The following TRPM5 variants were observed in gnomAD, a reference collection of about 807,000 sequenced individuals.
TRPM5 encodes the protein MLSN1 and TRP-related.
A neutral mutation model predicts 124.9 loss-of-function variants in TRPM5; 121 were observed. That is an observed-to-expected ratio of 0.97 (90% CI 0.84 to 1.13). The LOEUF is 1.13. Ranked by LOEUF, TRPM5 falls within the 50% of genes most tolerant of loss-of-function variation. TRPM5 has a pLI of 0.00. For synonymous variants in TRPM5, 781 were observed against 700.5 expected (o/e 1.11, Z -1.81); for missense variants, 1,643 against 1,589.1 (o/e 1.03, Z -0.58).
At chr11:2,405,969 A>T (rs1373783634) in intron 22 of TRPM5, 50 bp downstream of exon 27, 1 of 1,543,176 alleles carries the variant, frequency 6.5e-7, no homozygotes, top group Non-Finnish European at 8.9e-7. Context: ...CAGTAGCCCC[A>T]CGCAGCCACC....
At chr11:2,412,361 C>T in intron 15 of TRPM5, 108 bp from the exon 21 acceptor site, 1 of 561,494 alleles carries the variant, frequency 1.8e-6, no homozygotes. Context: ...CATCTATGAC[C>T]AGGGCCGAGG....
chr11:2,426,906 G>C (rs563065764), upstream of TRPM5, among the ~76,000 whole-genome samples: 10 of 152,334 alleles, frequency 6.6e-5, no homozygotes, highest in South Asian at 6.2e-4. Context: ...GTGGTGGCAA[G>C]AGGACACAGT....
At position 2,413,092 on chromosome 11, in the gene TRPM5, C is replaced by T. The variant is rs779416636; in HGVS notation, c.2096+42G>A. The T allele has an allele frequency of 2.3e-5, 35 of 1,544,734 alleles. No individual in the cohort carries two copies. In the South Asian group the frequency reaches 4.0e-4, roughly 18 times the overall value. ...CCAGAGTCCAGCCTCCCAGCCACCA[C>T]CCGCCAGTCCCCTCCACCCTGCCTG... On this transcript the variant is annotated intron_variant, in intron 14 of 23. Coordinates refer to ENST00000155858, the Ensembl canonical transcript of TRPM5.
At chr11:2,441,474 ACCTGG>A in the TRPM5 span, among the ~76,000 whole-genome samples, 1 of 147,886 alleles carries the variant, frequency 6.8e-6, no homozygotes, top group Non-Finnish European at 1.5e-5. The surrounding 1 kb of genome is among the most constrained non-coding windows in gnomAD (Gnocchi z 7.2). Flanking sequence ...TCACCTGCGC[ACCTGG>A]CCTTACTCCC....
intron 1 of TRPM5, 74 bp downstream of exon 6, chr11:2,422,846 C>T: frequency 7.4e-7 from 1 of 1,348,082 alleles, no homozygotes; most frequent in Non-Finnish European, 1.1e-6. Flanking sequence ...CACTCAGCTT[C>T]CAGGGAAGGA....
intron 23 of TRPM5, 120 bp from the exon 29 acceptor site, chr11:2,405,163 C>T (rs1237296328): frequency 5.1e-6 from 4 of 779,802 alleles, no homozygotes; most frequent in East Asian, 2.7e-5. Context: ...TGAGTCCCCA[C>T]AGGCCAGCCT....
At chr11:2,414,724 G>T in exon 11 of TRPM5, 3 of 1,540,022 alleles carry the variant, frequency 1.9e-6, no homozygotes, top group Non-Finnish European at 2.6e-6. Context: ...CCAAGGGCCA[G>T]CCGCTCGTAT....
At chr11:2,417,310 C>T (rs966247185) in intron 7 of TRPM5, among the ~76,000 whole-genome samples, 1 of 152,148 alleles carries the variant, frequency 6.6e-6, no homozygotes, top group African/African-American at 2.4e-5. Context: ...ACAAAATTAG[C>T]CGGGCATGGT....
intron 23 of TRPM5, among the ~76,000 whole-genome samples, chr11:2,405,254 G>C (rs1002780466): frequency 3.9e-5 from 6 of 152,224 alleles, no homozygotes; most frequent in Non-Finnish European, 5.9e-5. Context: ...TGAGGCCGAG[G>C]GGCCCGTTTG....
chr11:2,414,909 T>C (rs774924371), exon 10 of TRPM5: 14 of 1,604,880 alleles, frequency 8.7e-6, no homozygotes, highest in Admixed American at 8.4e-5. Flanking sequence ...GGGCTCACCA[T>C]GGCCCAGAAG....
intron 7 of TRPM5, among the ~76,000 whole-genome samples, chr11:2,417,151 A>G (rs1565012412): frequency 6.6e-6 from 1 of 152,168 alleles, no homozygotes. Flanking sequence ...CCTCACGAAT[A>G]TACTAAAAAC....
At chr11:2,422,563 C>G (rs1478482753) in intron 1 of TRPM5, among the ~76,000 whole-genome samples, 1 of 151,978 alleles carries the variant, frequency 6.6e-6, no homozygotes, top group African/African-American at 2.4e-5. Flanking sequence ...CAGGGCCAGT[C>G]CTCCCTTGAC....
chr11:2,412,012 C>T (rs1209480581), intron 16 of TRPM5, 123 bp downstream of exon 21: 5 of 959,544 alleles, frequency 5.2e-6, no homozygotes, highest in East Asian at 2.4e-5. Flanking sequence ...AGTGACCCAC[C>T]CACCTCAGCC....
chr11:2,417,098 C>T lies in TRPM5; in HGVS notation c.1009+629G>A, dbSNP rs563676721. ...CAAGGGGTATGGGCTCTTTCTGGGG[C>T]GATGAAGGCTTCTGGAATTAGATAA... On this transcript the variant is annotated intron_variant, in intron 7 of 23. Coordinates refer to ENST00000155858, the Ensembl canonical transcript of TRPM5. Among the ~76,000 whole-genome samples the T allele has an allele frequency of 3.3e-5, 5 of 152,190 alleles. No individual in the cohort carries two copies. The South Asian group carries it at 8.3e-4, about 25-fold the overall frequency.
chr11:2,407,641 G>A (rs1850350333), intron 19 of TRPM5, 118 bp downstream of exon 24: 2 of 1,344,048 alleles, frequency 1.5e-6, no homozygotes, highest in South Asian at 2.7e-5. Context: ...CTGCCCTGAG[G>A]CACCAAGCCT....
exon 2 of TRPM5, chr11:2,422,142 T>C: frequency 1.2e-6 from 2 of 1,601,464 alleles, no homozygotes; most frequent in Non-Finnish European, 1.7e-6. Context: ...GGGCCTCACC[T>C]GTGCTCTGAG....
At chr11:2,404,186 G>A (rs1487234396), downstream of TRPM5, among the ~76,000 whole-genome samples, 1 of 152,196 alleles carries the variant, frequency 6.6e-6, no homozygotes, top group Non-Finnish European at 1.5e-5. Context: ...GAAGCGAAAG[G>A]GAGATGACAA....
At chr11:2,420,370 G>A (rs1845753779) in exon 4 of TRPM5, 7 of 1,612,510 alleles carry the variant, frequency 4.3e-6, no homozygotes, top group Admixed American at 1.7e-5. Context: ...CCTGGCTGCC[G>A]CCGTCATCCT....
chr11:2,417,079 G>T (rs1296363420), intron 7 of TRPM5, among the ~76,000 whole-genome samples: 1 of 152,186 alleles, frequency 6.6e-6, no homozygotes, highest in Non-Finnish European at 1.5e-5. Context: ...GTGCCAAGGG[G>T]TATGGGCTCT....
Sources: allele counts gnomAD v4.1 joint callset (sites outside exome capture counted in the v4.1 genomes callset), GRCh38; gene constraint gnomAD v4.1.1; non-coding constraint Gnocchi (gnomAD v3.1); transcripts MANE v1.5; gene names NCBI Gene and HGNC (gene_info 2026-07-23, HGNC 2026-07-21).